Variants in EGR2 observed in about 807,000 individuals in gnomAD.
EGR2 encodes the protein E3 SUMO-protein ligase EGR2.
Under a neutral mutation model 21.2 loss-of-function variants are expected in EGR2, and 2 were observed. That is an observed-to-expected ratio of 0.09 (90% CI 0.04 to 0.30). The LOEUF (loss-of-function observed/expected upper bound fraction) is 0.30, where lower values mean the gene tolerates loss of function less well. EGR2 is among the 10% of genes least tolerant of loss of function. EGR2 has a pLI of 1.00. For missense variants in EGR2, 458 were observed against 630.2 expected (o/e 0.73, Z 2.93); for synonymous variants, 282 against 258.2 (o/e 1.09, Z -0.88).
At chr10:62,818,566 C>G (rs1270314192), upstream of EGR2, 2 of 1,274,490 alleles carry the variant, frequency 1.6e-6, no homozygotes, top group Non-Finnish European at 1.0e-6. Flanking sequence ...ACTCCGCCTG[C>G]GCTCTGGCGG....
chr10:62,813,801 C>T lies in EGR2; in HGVS notation c.837G>A (p.Gly279=). ...CTCCACTGGCCCCTGGTCCGGTCACCCCAGCACTGGGGCCCCCCAGGGTAA... is the reference window on the plus strand; with the variant it reads ...CTCCACTGGCCCCTGGTCCGGTCACTCCAGCACTGGGGCCCCCCAGGGTAA... ...RNFTLGGPSA[G]VTGPGASGGS... is the part of the protein sequence containing the mutation. The change falls in exon 2 of 2, where the codon GGG becomes GGA. Residue 279 remains glycine, a synonymous_variant. Coordinates refer to ENST00000242480, the MANE Select transcript of EGR2 (RefSeq NM_000399.5). The surrounding 1 kb of genome is among the most constrained non-coding windows in gnomAD (Gnocchi z 5.7). 6.2e-7 allele frequency: 1 copy of T among 1,613,764 alleles called. No homozygotes were observed. The highest frequency in any genetic ancestry group is 8.5e-7 in the Non-Finnish European group (1 of 1,179,888).
At position 62,814,011 on chromosome 10, in the gene EGR2, T is replaced by C. The variant is rs224083; in HGVS notation, c.627A>G (p.Pro209=). The stretch of plus-strand genomic sequence containing the variant: ...CTGGGTCCGTGGCTGGCTTGGGGGA[T>C]GGATAGGAAGGAGGTGGTGGGTAGG... The part of the protein sequence containing the change: ...SLAYPPPPSY[P]SPKPATDPGL... Residue 209 remains proline (P), a synonymous_variant, in exon 2 of 2, where the codon CCA becomes CCG. Transcript: ENST00000242480. The surrounding 1 kb of genome is among the most constrained non-coding windows in gnomAD (Gnocchi z 4.8). The C allele has an allele frequency of 2.7e-3, 4,351 of 1,613,718 alleles. 107 individuals carry two copies. The African/African-American group carries it at 0.052, about 19-fold the overall frequency.
rs1842219289 is a variant in EGR2 at position 62,814,834 on chromosome 10, C to T, written c.170-366G>A. Among the ~76,000 whole-genome samples the T allele has an allele frequency of 6.6e-6, 1 of 152,124 alleles. No individual in the cohort carries two copies. The highest frequency in any genetic ancestry group is 1.5e-5 in the Non-Finnish European group (1 of 68,006). On this transcript the variant is annotated intron_variant, in intron 1 of 1. Transcript: ENST00000242480. This position sits in a 1 kb window ranked among gnomAD's most constrained non-coding sequence, Gnocchi z 4.8. ...CGGAGCTTTTCTCCCTCTTTTTTGC[C>T]TGGGGGTTCCACGGCTGAGGCACCA...
chr10:62,816,609 G>A (rs1161847269), upstream of EGR2, among the ~76,000 whole-genome samples: 1 of 152,182 alleles, frequency 6.6e-6, no homozygotes, highest in African/African-American at 2.4e-5. Flanking sequence ...GGGGCGCAGG[G>A]ATCGCGGGGG....
rs1842176940 is a variant in EGR2, at chr10:62,813,641, T to A, written c.997A>T (p.Thr333Ser). ...PRKYPNRPSKTPVHERPYPCP... is the reference protein window; with the variant it reads ...PRKYPNRPSKSPVHERPYPCP... ...GGGTAGGGCCTCTCGTGCACCGGCG[T>A]CTTGCTGGGTCTGTTGGGGTACTTG... Residue 333 changes from threonine to serine, a missense_variant, in exon 2 of 2, where the codon ACG becomes TCG. Around this residue, in one of 5 missense-constraint regions of EGR2, gnomAD observed 253 missense variants for 315.5 expected, o/e 0.80. Coordinates refer to ENST00000242480, the MANE Select transcript of EGR2 (RefSeq NM_000399.5). This position sits in a 1 kb window ranked among gnomAD's most constrained non-coding sequence, Gnocchi z 5.7. 6.2e-7 allele frequency: 1 copy of A among 1,612,982 alleles called. No individual in the cohort carries two copies. The highest frequency in any genetic ancestry group is 8.5e-7 in the Non-Finnish European group (1 of 1,180,014).
chr10:62,816,050 A>G lies in EGR2; in HGVS notation c.-21T>C. 6.2e-7 allele frequency: 1 copy of G among 1,614,088 alleles called. No homozygotes were observed. Reference sequence around the variant, plus strand: ...ATCATTTGCTCCTCGCACAACCTGGAGACCCAACTCCCTCGCTACCTGGAG... The same window carrying G: ...ATCATTTGCTCCTCGCACAACCTGGGGACCCAACTCCCTCGCTACCTGGAG... On this transcript the variant is annotated 5_prime_UTR_variant, in exon 1 of 2. Transcript: ENST00000242480.
At position 62,813,251 on chromosome 10, in the gene EGR2, C is replaced by T. The variant is rs367816301; in HGVS notation, c.1387G>A (p.Gly463Arg). The change falls in exon 2 of 2, where the codon GGA (glycine) becomes AGA (arginine). Residue 463 changes from glycine (G) to arginine (R), a missense_variant. Physicochemically the swap from Gly to Arg is moderately radical, Grantham distance 125. Around this residue, in one of 5 missense-constraint regions of EGR2, gnomAD observed 69 missense variants for 70.4 expected, o/e 0.98. Coordinates refer to ENST00000242480, the MANE Select transcript of EGR2 (RefSeq NM_000399.5). The surrounding 1 kb of genome is among the most constrained non-coding windows in gnomAD (Gnocchi z 5.7). ...GAGGAGCAAGGGGCGAGCGGCCCTC[C>T]GCCAAGACTGCTGCTGTTACTGCTG... is the stretch of plus-strand genomic sequence containing the variant. ...LCSSNSSSLGGGPLAPCSSRT... is the reference protein window; with the variant it reads ...LCSSNSSSLGRGPLAPCSSRT... The T allele has an allele frequency of 1.7e-5, 27 of 1,566,714 alleles. No individual in the cohort carries two copies. Among genetic ancestry groups the T allele is most frequent in the Non-Finnish European group, 2.2e-5 (26 of 1,157,424 alleles).
Position 62,814,399 on chromosome 10 carries a change from G to C in EGR2, c.239C>G (p.Ala80Gly). The change falls in exon 2 of 2, where the codon GCT (alanine) becomes GGT (glycine). Residue 80 changes from alanine to glycine, a missense_variant. Ala to Gly is a moderately conservative substitution (Grantham distance 60). Around this residue, in one of 5 missense-constraint regions of EGR2, gnomAD observed 91 missense variants for 105.2 expected, o/e 0.87. Transcript: ENST00000242480. The surrounding 1 kb of genome is among the most constrained non-coding windows in gnomAD (Gnocchi z 4.8). The stretch of plus-strand genomic sequence containing the variant: ...CTGGTTTCTAGGTGCAGAGACGGGA[G>C]CAAAGCTGCTGGGATATGGGAGATC... Reference protein sequence around the residue: ...SLDLPYPSSFAPVSAPRNQTF... With the variant: ...SLDLPYPSSFGPVSAPRNQTF... 1 of 1,614,144 alleles carries C rather than the reference G, an allele frequency of 6.2e-7. No individual in the cohort carries two copies. The highest frequency in any genetic ancestry group is 8.5e-7 in the Non-Finnish European group (1 of 1,180,014).
upstream of EGR2, among the ~76,000 whole-genome samples, chr10:62,816,575 C>T (rs1257877109): frequency 6.6e-6 from 1 of 152,160 alleles, no homozygotes; most frequent in East Asian, 1.9e-4. Flanking sequence ...CCCGGGCGCG[C>T]GGCCCTAGCT....
upstream of EGR2, chr10:62,818,453 A>G: frequency 1.6e-6 from 1 of 640,254 alleles, no homozygotes; most frequent in African/African-American, 2.0e-5. Flanking sequence ...CCTAGTAGAT[A>G]CCCCACCCCA....
chr10:62,815,796 C>T, intron 1 of EGR2, 65 bp downstream of exon 1: 2 of 1,589,532 alleles, frequency 1.3e-6, no homozygotes, highest in Non-Finnish European at 1.7e-6. Context: ...TCCCGCACAC[C>T]CACTGCACCC....
chr10:62,815,753 C>T lies in EGR2; in HGVS notation c.169+108G>A, dbSNP rs889639735. On this transcript the variant is annotated intron_variant, in intron 1 of 1. Transcript: ENST00000242480. ...TCTTCAAAGCCAGTGCAGTCAGCAC[C>T]GTCCACCTGGAGCCCCAATCCTCTC... The T allele has an allele frequency of 5.7e-5, 79 of 1,383,100 alleles. 1 individual carries two copies. In the South Asian group the frequency reaches 9.1e-4, roughly 16 times the overall value. The allele number at this position is 1,383,100 out of a possible 1,614,324, so 85.7% of individuals were successfully genotyped here.
chr10:62,817,924 A>G (rs1241067668), upstream of EGR2, among the ~76,000 whole-genome samples: 1 of 152,190 alleles, frequency 6.6e-6, no homozygotes, highest in Admixed American at 6.5e-5. This position sits in a 1 kb window ranked among gnomAD's most constrained non-coding sequence, Gnocchi z 4.4. Context: ...AGTCCAGCGC[A>G]CCGCCGCCTG....
Position 62,813,912 on chromosome 10 carries a change from A to C in EGR2, c.726T>G (p.Ala242=), listed in dbSNP as rs771954217. ...AGGGAAAGGGCTTACGGTCTGGGCC[A>C]GCTGTACCATGTAGGTCTCTCTGGC... ...SQCQRDLHGT[A]GPDRKPFPCP... Residue 242 remains alanine, a synonymous_variant, in exon 2 of 2, where the codon GCT becomes GCG. Coordinates refer to ENST00000242480, the MANE Select transcript of EGR2 (RefSeq NM_000399.5). The surrounding 1 kb of genome is among the most constrained non-coding windows in gnomAD (Gnocchi z 5.7). 3 of 1,614,084 alleles carry C rather than the reference A, an allele frequency of 1.9e-6. No homozygotes were observed. The African/African-American group carries it at 4.0e-5, about 22-fold the overall frequency.
Position 62,812,252 on chromosome 10 carries a change from A to G in EGR2, c.*955T>C, listed in dbSNP as rs1227334159. 1 of 138,962 alleles carries G rather than the reference A, an allele frequency of 7.2e-6. No homozygotes were observed. Among genetic ancestry groups the G allele is most frequent in the Non-Finnish European group, 1.5e-5 (1 of 64,968 alleles). The allele number at this position is 138,962 out of a possible 1,614,324, so 8.6% of individuals were successfully genotyped here. A position where few individuals can be genotyped will look rare whatever the true frequency, so the allele number is the denominator to read the frequency against. ...TCCAAATATTAATAGGCAGAAATAT[A>G]CAGCCATACTAAACTCAGGGAGTGA... On this transcript the variant is annotated 3_prime_UTR_variant, in exon 2 of 2. Transcript: ENST00000242480.
chr10:62,815,824 C>A, intron 1 of EGR2, 37 bp downstream of exon 1: 1 of 1,612,578 alleles, frequency 6.2e-7, no homozygotes, highest in Non-Finnish European at 8.5e-7. Flanking sequence ...CACCTCCGGG[C>A]CGCGCAGGTC....
rs1004881221 is a variant in EGR2 at position 62,812,226 on chromosome 10, T to A, written c.*981A>T. On this transcript the variant is annotated 3_prime_UTR_variant, in exon 2 of 2. Transcript: ENST00000242480. ...ACAAAAATATACTTTCTAAAAAAAA[T>A]TCCAAATATTAATAGGCAGAAATAT... 2.0e-5 allele frequency: 3 copies of A among 152,684 alleles called. No individual in the cohort carries two copies. Among genetic ancestry groups the A allele is most frequent in the African/African-American group, 4.8e-5 (2 of 41,422 alleles). 9.5% of individuals were successfully genotyped at this position (152,684 alleles called of 1,614,324 possible).
Position 62,813,196 on chromosome 10 carries a change from TGA to T in EGR2, c.*9_*10del, listed in dbSNP as rs760478261. On this transcript the variant is annotated 3_prime_UTR_variant, in exon 2 of 2. Transcript: ENST00000242480. The surrounding 1 kb of genome is among the most constrained non-coding windows in gnomAD (Gnocchi z 5.7). Reference sequence around the variant, plus strand: ...ACCTTTGGGAGCTGGTGTATCAGCCTGAGTCTCATCTCAAGGTGTCCGGGTCC... The same window carrying T: ...ACCTTTGGGAGCTGGTGTATCAGCCTGTCTCATCTCAAGGTGTCCGGGTCC... The T allele has an allele frequency of 6.4e-7, 1 of 1,556,188 alleles. No individual in the cohort carries two copies. The highest frequency in any genetic ancestry group is 1.4e-5 in the African/African-American group (1 of 73,122).
rs1337145825 is a variant in EGR2 at position 62,816,191 on chromosome 10, T to C, written c.-162A>G. 6.6e-7 allele frequency: 1 copy of C among 1,521,342 alleles called. No homozygotes were observed. Among genetic ancestry groups the C allele is most frequent in the Non-Finnish European group, 8.8e-7 (1 of 1,137,498 alleles). 94.2% of individuals were successfully genotyped at this position (1,521,342 alleles called of 1,614,324 possible). A position where few individuals can be genotyped will look rare whatever the true frequency, so the allele number is the denominator to read the frequency against. On this transcript the variant is annotated 5_prime_UTR_variant, in exon 1 of 2. Coordinates refer to ENST00000242480, the MANE Select transcript of EGR2 (RefSeq NM_000399.5). ...ACCAAGAAAAAAAAATCAACAGAAA[T>C]AAAAGTAGCAAACAAGTTGCTGTTT...
Sources: gnomAD v4.1 joint callset for allele counts (sites outside exome capture counted in the v4.1 genomes callset) on GRCh38, gnomAD v4.1.1 for gene constraint, gnomAD v4.1.1 regional missense constraint, Gnocchi (gnomAD v3.1) non-coding constraint, MANE v1.5 for transcripts, NCBI Gene and HGNC (gene_info 2026-07-23, HGNC 2026-07-21) for gene names.